ASAH2: variants seen among roughly 807,000 people sequenced by gnomAD.
ASAH2 encodes the protein N-acylsphingosine amidohydrolase 2, also known as neutral ceramidase.
Under a neutral mutation model 82.9 loss-of-function variants are expected in ASAH2, and 58 were observed. The ratio of observed to expected loss-of-function variants is 0.70; its 90% CI spans 0.57 to 0.87. The LOEUF (loss-of-function observed/expected upper bound fraction) is 0.87. Among genes scored for constraint, ASAH2 ranks in the 40% least tolerant of loss-of-function variants. ASAH2 has a pLI of 0.00. For synonymous variants in ASAH2, 276 were observed against 289.7 expected (o/e 0.95, Z 0.48); for missense variants, 779 against 834.0 (o/e 0.93, Z 0.81).
At chr10:50,218,319 T>C (rs1381508917) in intron 8 of ASAH2, among the ~76,000 whole-genome samples, 191 bp downstream of exon 8, 2 of 152,106 alleles carry the variant, frequency 1.3e-5, no homozygotes, top group African/African-American at 4.8e-5. Flanking sequence ...AAAAAGCAAA[T>C]GGTTAGTACT....
In ASAH2 at chr10:50,246,647, T is replaced by C. The variant is rs945830035; in HGVS notation, c.128-1193A>G. Among the ~76,000 whole-genome samples the C allele has an allele frequency of 3.7e-4, 56 of 152,250 alleles. 1 individual carries two copies. The highest frequency in any genetic ancestry group is 1.2e-3 in the African/African-American group (50 of 41,554). On this transcript the variant is annotated intron_variant, in intron 2 of 20. Coordinates refer to ENST00000682911, the MANE Select transcript of ASAH2 (RefSeq NM_019893.4). ...AAAGTCAGAAAAGTGACTTAACCAA[T>C]AGTTAATGGAGAGCATGTGATGAAT...
intron 10 of ASAH2, 127 bp from the exon 11 acceptor site, chr10:50,211,261 G>A: frequency 1.3e-6 from 1 of 779,212 alleles, no homozygotes; most frequent in Admixed American, 2.2e-5. Flanking sequence ...TGTTTTGCTG[G>A]TTGCTTAGAA....
chr10:50,231,450 C>T (rs1391120022), intron 7 of ASAH2, among the ~76,000 whole-genome samples: 1 of 152,156 alleles, frequency 6.6e-6, no homozygotes, highest in Non-Finnish European at 1.5e-5. Context: ...CAAACTCCCA[C>T]AGCATTATTT....
chr10:50,218,700 G>A, intron 7 of ASAH2, 70 bp from the exon 8 acceptor site: 1 of 1,581,714 alleles, frequency 6.3e-7, no homozygotes, highest in South Asian at 1.1e-5. Context: ...CTATGACTGG[G>A]AGCTTAAGTT....
Position 50,204,871 on chromosome 10 carries a change from C to T in ASAH2, c.1615G>A (p.Gly539Arg), listed in dbSNP as rs1845253218. The T allele has an allele frequency of 9.9e-6, 16 of 1,608,388 alleles. No homozygotes were observed. Among genetic ancestry groups the T allele is most frequent in the Non-Finnish European group, 1.1e-5 (13 of 1,176,108 alleles). ...AAAAGAAAAACTTACGTAAACTCCCCGGGGATGGCAGTTATGGCCAAGGAC... is the reference window on the plus strand; with the variant it reads ...AAAAGAAAAACTTACGTAAACTCCCTGGGGATGGCAGTTATGGCCAAGGAC... ...LGSLAITAIP[G>R]EFTTMSGRRL... The change falls in exon 14 of 21, where the codon GGG (glycine) becomes AGG (arginine). Residue 539 changes from glycine (G) to arginine (R), a missense_variant. By Grantham distance (125) the Gly-to-Arg change is moderately radical (BLOSUM62 -2). This residue lies in a region of ASAH2 where 759 missense variants were observed against 755.2 expected (regional missense o/e 1.00). Coordinates refer to ENST00000682911, the MANE Select transcript of ASAH2 (RefSeq NM_019893.4).
At chr10:50,239,716 G>A (rs1846245190) in intron 4 of ASAH2, among the ~76,000 whole-genome samples, 1 of 151,978 alleles carries the variant, frequency 6.6e-6, no homozygotes. Context: ...GAGTCGTTTG[G>A]AGGAATAAGT....
chr10:50,205,424 T>C (rs1415730126), intron 13 of ASAH2, among the ~76,000 whole-genome samples: 1 of 152,008 alleles, frequency 6.6e-6, no homozygotes, highest in African/African-American at 2.4e-5. Context: ...CTTTCCTCTC[T>C]TCTTTCAAGA....
At position 50,187,089 on chromosome 10, in the gene ASAH2, C is replaced by G; in HGVS notation, c.*226G>C. The G allele has an allele frequency of 1.9e-5, 5 of 263,528 alleles. No individual in the cohort carries two copies. Among genetic ancestry groups the G allele is most frequent in the Non-Finnish European group, 3.4e-5 (5 of 148,450 alleles). 16.3% of individuals were successfully genotyped at this position (263,528 alleles called of 1,614,324 possible). A position where few individuals can be genotyped will look rare whatever the true frequency, so the allele number is the denominator to read the frequency against. On this transcript the variant is annotated 3_prime_UTR_variant, in exon 21 of 21. Transcript: ENST00000682911. ...AGCAAGATATATGGGACAAACCTCT[C>G]TCTCTCTCTCTCTCTCTCTCTCTCT...
chr10:50,211,462 C>A (rs1446087792), intron 10 of ASAH2, among the ~76,000 whole-genome samples: 4 of 152,016 alleles, frequency 2.6e-5, no homozygotes, highest in African/African-American at 9.7e-5. Context: ...ATAACTGGAC[C>A]AAAATACTTT....
chr10:50,201,003 A>T (rs1465803357), intron 16 of ASAH2, among the ~76,000 whole-genome samples: 1 of 151,978 alleles, frequency 6.6e-6, no homozygotes, highest in Non-Finnish European at 1.5e-5. Context: ...CAGCTCCACA[A>T]GCAGACAAGG....
intron 2 of ASAH2, 72 bp from the exon 3 acceptor site, chr10:50,245,526 T>A: frequency 7.5e-7 from 1 of 1,333,596 alleles, no homozygotes; most frequent in Non-Finnish European, 1.0e-6. Flanking sequence ...TAGAACACAA[T>A]ATATAGGCTC....
At chr10:50,225,833 G>A (rs1245916897) in intron 7 of ASAH2, among the ~76,000 whole-genome samples, 1 of 152,166 alleles carries the variant, frequency 6.6e-6, no homozygotes, top group Non-Finnish European at 1.5e-5. Flanking sequence ...GCTCACAATT[G>A]TAATCTCAAT....
In ASAH2 at chr10:50,187,348, G is replaced by A. The variant is rs1418942493; in HGVS notation, c.2310C>T (p.Gly770=). Residue 770 remains glycine (G), a synonymous_variant, in exon 21 of 21, where the codon GGC becomes GGT. Transcript: ENST00000682911. The part of the protein sequence containing the change: ...LKPAVILSFE[G]TSPAFEVVTI The stretch of plus-strand genomic sequence containing the variant: ...TTACAACTTCAAAAGCCGGGGAAGT[G>A]CCTTCAAATGAAAGTATGACAGCAG... 8.6e-6 allele frequency: 3 copies of A among 348,396 alleles called. No individual in the cohort carries two copies. The highest frequency in any genetic ancestry group is 1.5e-5 in the Non-Finnish European group (3 of 194,648). 21.6% of individuals were successfully genotyped at this position (348,396 alleles called of 1,614,324 possible).
chr10:50,205,328 G>C (rs1002489264), intron 13 of ASAH2, among the ~76,000 whole-genome samples: 1 of 151,848 alleles, frequency 6.6e-6, no homozygotes, highest in Admixed American at 6.6e-5. Flanking sequence ...CAGTTTCCAA[G>C]TCTTACTTTA....
intron 3 of ASAH2, among the ~76,000 whole-genome samples, chr10:50,244,521 T>A (rs1280185623): frequency 6.6e-6 from 1 of 152,122 alleles, no homozygotes; most frequent in African/African-American, 2.4e-5. Flanking sequence ...AGGGAGTGAA[T>A]CCCATCAGAC....
chr10:50,240,171 G>T (rs1411527463), intron 4 of ASAH2, among the ~76,000 whole-genome samples: 2 of 152,074 alleles, frequency 1.3e-5, no homozygotes, highest in African/African-American at 4.8e-5. Flanking sequence ...TAGTCTCACT[G>T]CCATCACATT....
At chr10:50,194,805 A>G (rs1844931584) in intron 18 of ASAH2, among the ~76,000 whole-genome samples, 2 of 151,734 alleles carry the variant, frequency 1.3e-5, no homozygotes, top group Non-Finnish European at 2.9e-5. Flanking sequence ...AAGAACGCAC[A>G]ATGGGGAAGT....
In ASAH2 at chr10:50,248,634, G is replaced by T. The variant is rs1180180187; in HGVS notation, c.-24C>A. 2.5e-6 allele frequency: 4 copies of T among 1,605,280 alleles called. No homozygotes were observed. The South Asian group carries it at 4.5e-5, about 18-fold the overall frequency. ...ATTTCTTCTCAGGTACAGCAGAGAT[G>T]GAAGAAGAAATACTGAAGAGGAAGA... On this transcript the variant is annotated 5_prime_UTR_variant, in exon 2 of 21. Transcript: ENST00000682911.
chr10:50,215,966 G>A (rs1017601533), intron 8 of ASAH2, among the ~76,000 whole-genome samples: 8 of 152,230 alleles, frequency 5.3e-5, no homozygotes, highest in Non-Finnish European at 1.0e-4. Flanking sequence ...ATACACCATG[G>A]AATACTATGC....
Sources: allele counts gnomAD v4.1 joint callset (sites outside exome capture counted in the v4.1 genomes callset), GRCh38; gene constraint gnomAD v4.1.1; regional missense constraint gnomAD v4.1.1; transcripts MANE v1.5; gene names NCBI Gene and HGNC (gene_info 2026-07-23, HGNC 2026-07-21).